Variants in NYAP2 observed in about 807,000 individuals in gnomAD.
NYAP2 encodes neuronal tyrosine-phosphorylated phosphoinositide-3-kinase adaptor 2, also known as neuronal tyrosine-phosphorylated phosphoinositide-3-kinase adapter 2.
Under a neutral mutation model 50.4 loss-of-function variants are expected in NYAP2, and 23 were observed. That is an observed-to-expected ratio of 0.46 (90% CI 0.33 to 0.65). The LOEUF (loss-of-function observed/expected upper bound fraction) is 0.65. Ranked by LOEUF, NYAP2 falls within the 30% of genes least tolerant of loss-of-function variation. The pLI, the probability that NYAP2 is intolerant of heterozygous loss-of-function variation, is 0.02. For synonymous variants in NYAP2, 394 were observed against 365.2 expected (o/e 1.08, Z -0.90); for missense variants, 885 against 861.0 (o/e 1.03, Z -0.35).
intron 5 of NYAP2, among the ~76,000 whole-genome samples, chr2:225,583,333 G>T (rs186369147): frequency 6.8e-4 from 104 of 152,290 alleles, no homozygotes; most frequent in African/African-American, 2.5e-3. Context: ...AAGTTGAACA[G>T]TGAAAATAGG....
At chr2:225,523,096 T>G (rs1691095374) in intron 4 of NYAP2, among the ~76,000 whole-genome samples, 1 of 152,072 alleles carries the variant, frequency 6.6e-6, no homozygotes, top group African/African-American at 2.4e-5. Flanking sequence ...TTTGAGGACT[T>G]AAGTCAGCAC....
the NYAP2 span, among the ~76,000 whole-genome samples, chr2:225,683,147 T>C: frequency 9.9e-5 from 15 of 152,132 alleles, no homozygotes; most frequent in African/African-American, 3.6e-4. Flanking sequence ...GATGATATCA[T>C]ATGGAAGAGG....
At chr2:225,528,206 A>G (rs1287862520) in intron 4 of NYAP2, among the ~76,000 whole-genome samples, 2 of 152,362 alleles carry the variant, frequency 1.3e-5, no homozygotes, top group South Asian at 2.1e-4. Flanking sequence ...CCTAGAAACC[A>G]TGCAGCTATC....
chr2:225,501,760 A>G (rs142513062), intron 3 of NYAP2, among the ~76,000 whole-genome samples: 1 of 152,334 alleles, frequency 6.6e-6, no homozygotes, highest in East Asian at 1.9e-4. Flanking sequence ...GAAACTACCT[A>G]GCAGTTTTTA....
intron 3 of NYAP2, among the ~76,000 whole-genome samples, chr2:225,428,395 A>G (rs539778809): frequency 1.3e-5 from 2 of 152,142 alleles, no homozygotes; most frequent in East Asian, 3.9e-4. Flanking sequence ...GTGTTTTCCT[A>G]CTCAGGTACC....
chr2:225,464,339 A>G (rs1469073575), intron 3 of NYAP2, among the ~76,000 whole-genome samples: 1 of 152,140 alleles, frequency 6.6e-6, no homozygotes, highest in Non-Finnish European at 1.5e-5. Context: ...GCACCTTGTG[A>G]TAAACATCCT....
chr2:225,446,337 T>C (rs1451033032), intron 3 of NYAP2, among the ~76,000 whole-genome samples: 1 of 149,706 alleles, frequency 6.7e-6, no homozygotes, highest in Non-Finnish European at 1.5e-5. Context: ...CATTCATTCA[T>C]TCATTGAATT....
At chr2:225,561,392 A>C (rs917892780) in intron 4 of NYAP2, among the ~76,000 whole-genome samples, 12 of 152,258 alleles carry the variant, frequency 7.9e-5, no homozygotes, top group Admixed American at 7.9e-4. Context: ...GCTGGAACAG[A>C]GTGAACCTGG....
intron 3 of NYAP2, among the ~76,000 whole-genome samples, chr2:225,460,511 T>C (rs993853341): frequency 2.0e-5 from 3 of 152,198 alleles, no homozygotes; most frequent in African/African-American, 7.2e-5. Context: ...TCTCTTCACA[T>C]GGAGGAAGAT....
chr2:225,422,595 TA>T (rs113465395), intron 3 of NYAP2, among the ~76,000 whole-genome samples: 2 of 150,900 alleles, frequency 1.3e-5, no homozygotes, highest in Non-Finnish European at 3.0e-5. Context: ...GATCTATTAT[TA>T]AAAAAAAAGA....
At chr2:225,435,053 C>T (rs1689354623) in intron 3 of NYAP2, among the ~76,000 whole-genome samples, 1 of 152,270 alleles carries the variant, frequency 6.6e-6, no homozygotes, top group African/African-American at 2.4e-5. Flanking sequence ...TCTCATGGTA[C>T]TACTCTTCCT....
At chr2:225,567,093 G>A (rs1027208266) in intron 4 of NYAP2, among the ~76,000 whole-genome samples, 2 of 152,142 alleles carry the variant, frequency 1.3e-5, no homozygotes, top group Non-Finnish European at 2.9e-5. Context: ...ATAAGGTAGA[G>A]CCTGTTGCTC....
At chr2:225,571,277 C>G (rs1409374542) in intron 4 of NYAP2, among the ~76,000 whole-genome samples, 1 of 152,180 alleles carries the variant, frequency 6.6e-6, no homozygotes, top group Non-Finnish European at 1.5e-5. Flanking sequence ...AGGACGGTGG[C>G]CCTCTTCTCA....
intron 3 of NYAP2, among the ~76,000 whole-genome samples, chr2:225,508,193 G>A (rs1559199071): frequency 1.3e-5 from 2 of 152,148 alleles, no homozygotes; most frequent in African/African-American, 4.8e-5. Flanking sequence ...TATAACATGA[G>A]ATGTGTCAGG....
intron 4 of NYAP2, among the ~76,000 whole-genome samples, chr2:225,536,933 C>G (rs988184088): frequency 7.9e-5 from 12 of 151,998 alleles, no homozygotes; most frequent in Admixed American, 7.9e-4. Context: ...TGCCCGCCAC[C>G]ACGCCCGGCT....
At chr2:225,463,949 T>C (rs991616613) in intron 3 of NYAP2, among the ~76,000 whole-genome samples, 3 of 152,158 alleles carry the variant, frequency 2.0e-5, no homozygotes, top group Non-Finnish European at 4.4e-5. Context: ...TTGTAGAGAT[T>C]ACAGCTAGAA....
chr2:225,597,531 G>T (rs377598343), intron 5 of NYAP2, among the ~76,000 whole-genome samples: 4 of 28,194 alleles, frequency 1.4e-4, no homozygotes, highest in Non-Finnish European at 1.8e-4. Context: ...ATATATATAT[G>T]TATCACAATT....
chr2:225,544,876 G>T (rs1691544197), intron 4 of NYAP2, among the ~76,000 whole-genome samples: 1 of 152,078 alleles, frequency 6.6e-6, no homozygotes, highest in African/African-American at 2.4e-5. Context: ...GTCTGGTATT[G>T]GTGAAATCCC....
chr2:225,648,256 C>T (rs1574730100), intron 6 of NYAP2, among the ~76,000 whole-genome samples: 1 of 152,132 alleles, frequency 6.6e-6, no homozygotes, highest in Non-Finnish European at 1.5e-5. Flanking sequence ...CTGCCTTGGC[C>T]TCCCAAAGTG....
Sources: gnomAD v4.1 joint callset for allele counts (sites outside exome capture counted in the v4.1 genomes callset) on GRCh38, gnomAD v4.1.1 for gene constraint, MANE v1.5 for transcripts, NCBI Gene and HGNC (gene_info 2026-07-23, HGNC 2026-07-21) for gene names.